Variants in ARFRP1 observed in about 807,000 individuals in gnomAD.
ARFRP1 encodes ADP-ribosylation factor-related protein 1.
ARFRP1 carries 19 observed loss-of-function variants against 30.3 expected under a neutral mutation model. That is an observed-to-expected ratio of 0.63 (90% CI 0.44 to 0.92). The LOEUF is 0.92. Ranked by LOEUF, ARFRP1 falls within the 40% of genes least tolerant of loss-of-function variation. The pLI, the probability that ARFRP1 is intolerant of heterozygous loss-of-function variation, is 0.00. For synonymous variants in ARFRP1, 133 were observed against 114.2 expected (o/e 1.16, Z -1.05); for missense variants, 245 against 267.5 (o/e 0.92, Z 0.59).
At chr20:63,702,468 T>C in intron 4 of ARFRP1, 1 of 533,778 alleles carries the variant, frequency 1.9e-6, no homozygotes, top group Non-Finnish European at 3.4e-6. Flanking sequence ...AAGACAGGGA[T>C]TGGGCCAGGC....
chr20:63,706,636 T>C lies in ARFRP1; in HGVS notation c.181+15A>G, dbSNP rs1265484853. On this transcript the variant is annotated intron_variant, in intron 3 of 7. Transcript: ENST00000622789. ...TCAAGGCCCCAAACCCACAGCCTGC[T>C]ATTGAGACCCTTACTGTTTAGGCCC... 5 of 1,592,368 alleles carry C rather than the reference T, an allele frequency of 3.1e-6. No individual in the cohort carries two copies. The highest frequency in any genetic ancestry group is 4.3e-6 in the Non-Finnish European group (5 of 1,160,226).
intron 5 of ARFRP1, 104 bp from the exon 6 acceptor site, chr20:63,702,004 C>A (rs1166178713): frequency 2.7e-5 from 25 of 918,834 alleles, no homozygotes; most frequent in East Asian, 1.2e-4. Context: ...CTCTGCCCCC[C>A]CCCCCCCCGT....
Position 63,702,124 on chromosome 20 carries a change from G to T in ARFRP1, c.346+12C>A, listed in dbSNP as rs201503746. On this transcript the variant is annotated intron_variant, in intron 5 of 7. Transcript: ENST00000622789. The stretch of plus-strand genomic sequence containing the variant: ...CCATCCATCCCTCCCAGAGCAGCCA[G>T]GCCGCACTCACCAAACGCCTGCTTG... 6.2e-7 allele frequency: 1 copy of T among 1,609,466 alleles called. No individual in the cohort carries two copies. Among genetic ancestry groups the T allele is most frequent in the Non-Finnish European group, 8.5e-7 (1 of 1,179,030 alleles).
chr20:63,702,627 G>C (rs191075701), intron 4 of ARFRP1: 10 of 204,844 alleles, frequency 4.9e-5, no homozygotes, highest in Non-Finnish European at 9.0e-5. Flanking sequence ...CTAGCTACTC[G>C]GGAGGCTGAG....
chr20:63,701,997 T>TGGGGGGGGGGG, intron 5 of ARFRP1, 97 bp from the exon 6 acceptor site: 4 of 684,612 alleles, frequency 5.8e-6, no homozygotes, highest in Middle Eastern at 4.4e-4. Context: ...CCACTCCCTC[T>TGGGGGGGGGGG]GCCCCCCCCC....
intron 4 of ARFRP1, chr20:63,704,841 C>T (rs906046759): frequency 1.3e-5 from 2 of 152,280 alleles, no homozygotes; most frequent in African/African-American, 2.4e-5. Context: ...AAGAGCCACA[C>T]TGCCAGGTCA....
At chr20:63,705,681 T>C (rs374509898) in intron 4 of ARFRP1, 34 of 533,114 alleles carry the variant, frequency 6.4e-5, no homozygotes, top group Non-Finnish European at 5.8e-5. Flanking sequence ...ATCTGGTCTT[T>C]GCCATTTCTG....
At chr20:63,706,629 A>C (rs1298527779) in intron 3 of ARFRP1, 22 bp downstream of exon 3, 2 of 1,586,088 alleles carry the variant, frequency 1.3e-6, no homozygotes, top group Non-Finnish European at 1.7e-6. Context: ...CCAAACCCAC[A>C]GCCTGCTATT....
At chr20:63,700,886 A>T in intron 6 of ARFRP1, 184 bp from the exon 7 acceptor site, 1 of 785,822 alleles carries the variant, frequency 1.3e-6, no homozygotes, top group East Asian at 2.7e-5. Context: ...GAGGCTGAAC[A>T]TGGCTGGTAG....
rs749558892 is a variant in ARFRP1, at chr20:63,700,546, G to A, written c.519-16C>T. ...CACCCCTTTGCTGTGAAGACAGCGG[G>A]TGTGAGGCGGGGGGTCTCGGTCCCC... On this transcript the variant is annotated splice_polypyrimidine_tract_variant and intron_variant, in intron 7 of 7. Transcript: ENST00000622789. 1.2e-5 allele frequency: 19 copies of A among 1,610,686 alleles called. No individual in the cohort carries two copies. The highest frequency in any genetic ancestry group is 1.6e-5 in the Non-Finnish European group (19 of 1,179,872).
At chr20:63,702,022 T>G in intron 5 of ARFRP1, 114 bp downstream of exon 5, 14 of 276,710 alleles carry the variant, frequency 5.1e-5, no homozygotes, top group Non-Finnish European at 7.7e-5. Context: ...CGTCACCCAC[T>G]AGGCAGGAGC....
chr20:63,706,821 AAGAC>A, intron 2 of ARFRP1, 83 bp from the exon 3 acceptor site: 1 of 1,351,334 alleles, frequency 7.4e-7, no homozygotes, highest in Non-Finnish European at 1.1e-6. Flanking sequence ...TGTTCTTTAA[AAGAC>A]AGAAACAGAA....
rs1010680609 is a variant in ARFRP1, at chr20:63,700,045, C to T, written c.*398G>A. On this transcript the variant is annotated 3_prime_UTR_variant, in exon 8 of 8. Transcript: ENST00000622789. ...CAGATGGCAGCCATGGCTGACGGGC[C>T]TCCTCCTCGATGGGGCGGAGACAGC... 11 of 261,666 alleles carry T rather than the reference C, an allele frequency of 4.2e-5. No individual in the cohort carries two copies. Among genetic ancestry groups the T allele is most frequent in the East Asian group, 9.9e-5 (1 of 10,076 alleles). 16.2% of individuals were successfully genotyped at this position (261,666 alleles called of 1,614,324 possible).
chr20:63,702,225 G>T lies in ARFRP1; in HGVS notation c.265-8C>A. 1 of 1,610,626 alleles carries T rather than the reference G, an allele frequency of 6.2e-7. No individual in the cohort carries two copies. Among genetic ancestry groups the T allele is most frequent in the South Asian group, 1.1e-5 (1 of 91,056 alleles). On this transcript the variant is annotated splice_region_variant and splice_polypyrimidine_tract_variant and intron_variant, in intron 4 of 7. Coordinates refer to ENST00000622789, the MANE Select transcript of ARFRP1 (RefSeq NM_001267547.3). ...GTGACACTCCGCATAATACTGGGAG[G>T]AAGCACCAGGAGTTGGGGCTCAGTC...
intron 4 of ARFRP1, chr20:63,703,794 G>T (rs760852316): frequency 1.3e-5 from 2 of 152,548 alleles, no homozygotes; most frequent in African/African-American, 4.8e-5. Context: ...CAGGCACAAG[G>T]TGCACAGCCC....
intron 6 of ARFRP1, 54 bp from the exon 7 acceptor site, chr20:63,700,756 T>G: frequency 6.3e-7 from 1 of 1,588,578 alleles, no homozygotes; most frequent in South Asian, 1.1e-5. Flanking sequence ...CTGTCCTGCC[T>G]GTGGGCCCGG....
In ARFRP1 at chr20:63,699,571, C is replaced by T. The variant is rs975650107; in HGVS notation, c.*872G>A. The T allele has an allele frequency of 6.6e-6, 1 of 152,492 alleles. No homozygotes were observed. Among genetic ancestry groups the T allele is most frequent in the African/African-American group, 2.4e-5 (1 of 41,442 alleles). 9.4% of individuals were successfully genotyped at this position (152,492 alleles called of 1,614,324 possible). On this transcript the variant is annotated 3_prime_UTR_variant, in exon 8 of 8. Coordinates refer to ENST00000622789, the MANE Select transcript of ARFRP1 (RefSeq NM_001267547.3). ...TGACACTGGGCAGGCCGCTCCTGCC[C>T]ACAGCCAGACTGAGGAAGAACACAG...
rs1243789165 is a variant in ARFRP1 at position 63,706,412 on chromosome 20, C to T, written c.209G>A (p.Arg70Gln). 1.9e-6 allele frequency: 3 copies of T among 1,613,278 alleles called. No homozygotes were observed. The highest frequency in any genetic ancestry group is 2.2e-5 in the East Asian group (1 of 44,900). Residue 70 changes from arginine (R) to glutamine (Q), a missense_variant, in exon 4 of 8, where the codon CGG becomes CAG. Transcript: ENST00000622789. Reference protein sequence around the residue: ...NIGTVDVGKARLMFWDLGGQE... With the variant: ...NIGTVDVGKAQLMFWDLGGQE... ...CCCTCCTAAGTCCCAGAACATGAGC[C>T]GAGCCTTTCCCACATCCACAGTGCC...
intron 4 of ARFRP1, chr20:63,704,758 TTGC>T (rs2091377842): frequency 6.6e-6 from 1 of 152,242 alleles, no homozygotes; most frequent in Non-Finnish European, 1.5e-5. Context: ...CACTGTATTC[TTGC>T]TTCATGTTGG....
Sources: allele counts gnomAD v4.1 joint callset, GRCh38; gene constraint gnomAD v4.1.1; transcripts MANE v1.5; gene names NCBI Gene and HGNC (gene_info 2026-07-23, HGNC 2026-07-21).